The following SHC3 variants were observed in gnomAD, a reference collection of about 807,000 sequenced individuals.
SHC3 encodes SHC-transforming protein 3.
A neutral mutation model predicts 60.4 loss-of-function variants in SHC3; 15 were observed. The ratio of observed to expected loss-of-function variants is 0.25; its 90% CI spans 0.17 to 0.38. The LOEUF (loss-of-function observed/expected upper bound fraction) is 0.38. SHC3 is among the 10% of genes least tolerant of loss of function. The pLI is 1.00. For synonymous variants in SHC3, 294 were observed against 325.9 expected (o/e 0.90, Z 1.05); for missense variants, 677 against 786.1 (o/e 0.86, Z 1.66).
chr9:89,109,626 G>T, intron 2 of SHC3: 2 of 985,452 alleles, frequency 2.0e-6, no homozygotes, highest in African/African-American at 3.5e-5. Context: ...GATCTTGTCT[G>T]GCCTGCTCTC....
At position 89,059,207 on chromosome 9, in the gene SHC3, G is replaced by A. The variant is rs966302144; in HGVS notation, c.835+6322C>T. Among the ~76,000 whole-genome samples, 31 of 96,610 alleles carry A rather than the reference G, an allele frequency of 3.2e-4. No individual in the cohort carries two copies. The South Asian group carries it at 8.7e-3, about 27-fold the overall frequency. 63.4% of individuals were successfully genotyped at this position (96,610 alleles called of 152,430 possible). On this transcript the variant is annotated intron_variant, in intron 6 of 11. Coordinates refer to ENST00000375835, the MANE Select transcript of SHC3 (RefSeq NM_016848.6). Reference sequence around the variant, plus strand: ...ATGGTGGAGGACAGTGGTGGAGGACGGTGGTGGAGGATGGTGGTGGAGGAT... The same window carrying A: ...ATGGTGGAGGACAGTGGTGGAGGACAGTGGTGGAGGATGGTGGTGGAGGAT...
rs62547214 is a variant in SHC3, at chr9:89,146,312, G to A, written c.474+31675C>T. Among the ~76,000 whole-genome samples the A allele has an allele frequency of 3.8e-3, 580 of 151,838 alleles. 1 individual carries two copies. The highest frequency in any genetic ancestry group is 6.1e-3 in the Non-Finnish European group (413 of 67,918). On this transcript the variant is annotated intron_variant, in intron 1 of 11. Transcript: ENST00000375835. ...GCGGAGGTTGCAGTAAGCTGAGATC[G>A]CGCCACTGCACTCCAGCCTGGGTGA... is the stretch of plus-strand genomic sequence containing the variant.
At chr9:89,146,181 C>T (rs1826465463) in intron 1 of SHC3, among the ~76,000 whole-genome samples, 1 of 151,658 alleles carries the variant, frequency 6.6e-6, no homozygotes, top group Non-Finnish European at 1.5e-5. Context: ...CATGGTGAAA[C>T]CCCCGTTTCT....
At chr9:89,047,311 T>A (rs1407776230) in intron 7 of SHC3, among the ~76,000 whole-genome samples, 1 of 152,204 alleles carries the variant, frequency 6.6e-6, no homozygotes, top group Non-Finnish European at 1.5e-5. Context: ...TTGTAAGCCA[T>A]GAAATTGATC....
chr9:89,043,315 C>T (rs1023170888), intron 9 of SHC3, among the ~76,000 whole-genome samples: 17 of 152,236 alleles, frequency 1.1e-4, no homozygotes, highest in African/African-American at 3.9e-4. Context: ...TTCTACTCTC[C>T]TATTTCTCAA....
chr9:89,042,286 C>A (rs1327812472), intron 9 of SHC3, 102 bp from the exon 10 acceptor site: 2 of 1,281,990 alleles, frequency 1.6e-6, no homozygotes, highest in Non-Finnish European at 1.0e-6. Flanking sequence ...TGGGAAACCT[C>A]CTCCTTCGGA....
In SHC3 at chr9:89,038,032, G is replaced by C; in HGVS notation, c.1617C>G (p.Gly539=). ...GSFVLTGMHN[G]QAKHLLLVDP... ...CCACGAGCAGCAGGTGCTTGGCCTG[G>C]CCATTGTGCATGCCCGTGAGGACAA... Residue 539 remains glycine, a synonymous_variant, in exon 11 of 12, where the codon GGC becomes GGG. Transcript: ENST00000375835. The C allele has an allele frequency of 6.2e-7, 1 of 1,612,786 alleles. No homozygotes were observed. Among genetic ancestry groups the C allele is most frequent in the Non-Finnish European group, 8.5e-7 (1 of 1,180,026 alleles).
At position 89,035,851 on chromosome 9, in the gene SHC3, ATGTGTGTG is replaced by A. The variant is rs34601277; in HGVS notation, c.1656+2134_1656+2141del. On this transcript the variant is annotated intron_variant, in intron 11 of 11. Coordinates refer to ENST00000375835, the MANE Select transcript of SHC3 (RefSeq NM_016848.6). ...ACAAAATATATATATATATATATAGATGTGTGTGTGTGTGTGTGTGTGTGTGTGTGTGT... is the reference window on the plus strand; with the variant it reads ...ACAAAATATATATATATATATATAGATGTGTGTGTGTGTGTGTGTGTGTGT... 7.5e-4 allele frequency among the ~76,000 whole-genome samples: 97 copies of A among 128,530 alleles called. 1 individual carries two copies. Among genetic ancestry groups the A allele is most frequent in the African/African-American group, 2.1e-3 (74 of 35,546 alleles). 84.3% of individuals were successfully genotyped at this position (128,530 alleles called of 152,430 possible).
chr9:89,151,813 A>G (rs1412911404), intron 1 of SHC3, among the ~76,000 whole-genome samples: 11 of 152,212 alleles, frequency 7.2e-5, no homozygotes, highest in Non-Finnish European at 2.9e-5. Context: ...ACATTTTAAG[A>G]CATCATCATG....
intron 11 of SHC3, among the ~76,000 whole-genome samples, 185 bp downstream of exon 11, chr9:89,037,808 A>G (rs558064599): frequency 6.6e-6 from 1 of 152,362 alleles, no homozygotes; most frequent in Admixed American, 6.5e-5. Flanking sequence ...GGCCCTGACC[A>G]CTGGCTCCTG....
chr9:89,129,057 C>A (rs866675669), intron 1 of SHC3, among the ~76,000 whole-genome samples: 6 of 152,044 alleles, frequency 3.9e-5, no homozygotes, highest in Admixed American at 3.3e-4. Flanking sequence ...TAGAGAAGAC[C>A]TTAAATGACC....
At chr9:89,016,177 T>C (rs1397696362) in intron 11 of SHC3, among the ~76,000 whole-genome samples, 1 of 151,730 alleles carries the variant, frequency 6.6e-6, no homozygotes. Context: ...GAAAAAAAGA[T>C]TATAAGACCC....
intron 1 of SHC3, among the ~76,000 whole-genome samples, chr9:89,175,187 G>A (rs909963488): frequency 6.6e-6 from 1 of 152,286 alleles, no homozygotes; most frequent in Admixed American, 6.5e-5. Context: ...AAAGAAAAAA[G>A]GAAATGTCAA....
chr9:89,020,767 C>A (rs1826187526), intron 11 of SHC3, among the ~76,000 whole-genome samples: 1 of 152,002 alleles, frequency 6.6e-6, no homozygotes, highest in East Asian at 1.9e-4. Flanking sequence ...CAGGTGAGTC[C>A]CCCTCACCAA....
intron 6 of SHC3, among the ~76,000 whole-genome samples, chr9:89,059,343 CG>C (rs1366807814): frequency 7.2e-5 from 6 of 82,938 alleles, no homozygotes; most frequent in Admixed American, 1.2e-4. Context: ...TGGTGGAGGA[CG>C]GTGGTGGAGG....
At chr9:89,145,556 GA>G (rs1253750298) in intron 1 of SHC3, among the ~76,000 whole-genome samples, 2 of 152,286 alleles carry the variant, frequency 1.3e-5, no homozygotes, top group African/African-American at 4.8e-5. Flanking sequence ...GAGATATGAA[GA>G]TAGATTCGGC....
chr9:89,076,023 C>T (rs1403155173), intron 3 of SHC3, among the ~76,000 whole-genome samples: 1 of 152,038 alleles, frequency 6.6e-6, no homozygotes, highest in Non-Finnish European at 1.5e-5. Context: ...AGGTGCACAC[C>T]CTTTTTAATC....
intron 1 of SHC3, among the ~76,000 whole-genome samples, chr9:89,132,061 T>A (rs561693704): frequency 1.3e-5 from 2 of 152,260 alleles, no homozygotes; most frequent in South Asian, 4.2e-4. Context: ...TTCAGCAAAG[T>A]CTCAGGATAC....
intron 1 of SHC3, among the ~76,000 whole-genome samples, chr9:89,127,144 T>A (rs1193297953): frequency 6.6e-6 from 1 of 152,206 alleles, no homozygotes; most frequent in Non-Finnish European, 1.5e-5. Flanking sequence ...TGGCCTGGGT[T>A]CAGGGTTCAA....
Sources: gnomAD v4.1 joint callset for allele counts (sites outside exome capture counted in the v4.1 genomes callset) on GRCh38, gnomAD v4.1.1 for gene constraint, MANE v1.5 for transcripts, NCBI Gene and HGNC (gene_info 2026-07-23, HGNC 2026-07-21) for gene names.